TMEM255B: variants seen among roughly 807,000 people sequenced by gnomAD.
TMEM255B encodes transmembrane protein 255B.
TMEM255B carries 35 observed loss-of-function variants against 34.5 expected under a neutral mutation model. The ratio of observed to expected loss-of-function variants is 1.01; its 90% CI spans 0.77 to 1.34. The LOEUF is 1.34. Among genes scored for constraint, TMEM255B ranks in the 40% most tolerant of loss-of-function variants. The pLI is 0.00. For missense variants in TMEM255B, 432 were observed against 433.2 expected, an observed-to-expected ratio of 1.00 and a Z score of 0.02; for synonymous variants, 206 against 201.2, an observed-to-expected ratio of 1.02 and a Z score of -0.20.
rs1188081603 is a variant in TMEM255B, at chr13:113,759,243, C to A, written c.-27C>A. 1 of 1,227,338 alleles carries A rather than the reference C, an allele frequency of 8.1e-7. No homozygotes were observed. The highest frequency in any genetic ancestry group is 3.2e-5 in the East Asian group (1 of 31,386). The allele number at this position is 1,227,338 out of a possible 1,614,324, so 76.0% of individuals were successfully genotyped here. ...CTGGCGGCGGGACTGTGGCTGTGGC[C>A]CCGGGAGAGCCGGGTGGGGCCTCGG... On this transcript the variant is annotated 5_prime_UTR_variant, in exon 1 of 9. Transcript: ENST00000375353.
rs1466196335 is a variant in TMEM255B at position 113,814,858 on chromosome 13, C to T, written c.*2955C>T. On this transcript the variant is annotated 3_prime_UTR_variant, in exon 9 of 9. Coordinates refer to ENST00000375353, the MANE Select transcript of TMEM255B (RefSeq NM_182614.4). Reference sequence around the variant, plus strand: ...AGATGGGGTGGAGGGGATGGTGGGGCAGGGGGTGCTGGGGGGTTTGGGGGT... The same window carrying T: ...AGATGGGGTGGAGGGGATGGTGGGGTAGGGGGTGCTGGGGGGTTTGGGGGT... 1 of 42,486 alleles carries T rather than the reference C, an allele frequency of 2.4e-5. No individual in the cohort carries two copies. The highest frequency in any genetic ancestry group is 9.4e-5 in the African/African-American group (1 of 10,662). 2.6% of individuals were successfully genotyped at this position (42,486 alleles called of 1,614,324 possible).
intron 4 of TMEM255B, among the ~76,000 whole-genome samples, chr13:113,796,843 C>A (rs1253202935): frequency 6.6e-6 from 1 of 152,260 alleles, no homozygotes; most frequent in Non-Finnish European, 1.5e-5. Context: ...GGTGTTAGGC[C>A]TTTGTCTGCC....
intron 3 of TMEM255B, among the ~76,000 whole-genome samples, chr13:113,777,529 G>A (rs1469270577): frequency 6.6e-6 from 1 of 152,184 alleles, no homozygotes; most frequent in African/African-American, 2.4e-5. Flanking sequence ...TGTGTCTCTG[G>A]GGGCAGCTCC....
chr13:113,802,777 A>G (rs1408272143), intron 7 of TMEM255B, among the ~76,000 whole-genome samples: 1 of 148,340 alleles, frequency 6.7e-6, no homozygotes, highest in Admixed American at 6.7e-5. Flanking sequence ...TGGCATCCCG[A>G]GGTCCAGCCC....
intron 3 of TMEM255B, among the ~76,000 whole-genome samples, chr13:113,787,463 C>T (rs943848163): frequency 2.6e-5 from 4 of 152,046 alleles, no homozygotes; most frequent in Non-Finnish European, 4.4e-5. Flanking sequence ...TCACAGAAAC[C>T]GATGATAGGT....
intron 3 of TMEM255B, among the ~76,000 whole-genome samples, chr13:113,791,945 C>A (rs774952788): frequency 1.2e-4 from 19 of 152,204 alleles, no homozygotes; most frequent in Non-Finnish European, 1.5e-5. Context: ...AGGCACGCAG[C>A]CCCCTGATCC....
chr13:113,799,748 A>G (rs2051007608), intron 5 of TMEM255B: 1 of 699,386 alleles, frequency 1.4e-6, no homozygotes, highest in Admixed American at 2.0e-5. Flanking sequence ...ATACATTTAC[A>G]GTGTCCGAGA....
intron 8 of TMEM255B, among the ~76,000 whole-genome samples, chr13:113,808,977 GA>G (rs1438931113): frequency 4.8e-5 from 7 of 146,506 alleles, no homozygotes; most frequent in African/African-American, 7.6e-5. Flanking sequence ...GGTTCCTGGG[GA>G]GATTACTCTG....
At position 113,769,231 on chromosome 13, in the gene TMEM255B, C is replaced by T; in HGVS notation, c.252+71C>T. On this transcript the variant is annotated intron_variant, in intron 3 of 8. Coordinates refer to ENST00000375353, the MANE Select transcript of TMEM255B (RefSeq NM_182614.4). This position sits in a 1 kb window ranked among gnomAD's most constrained non-coding sequence, Gnocchi z 4.2. ...GGGATGGTACAGCTGCACTGGGGCT[C>T]TGAGAAGAGTCAGCCCTGCCTCCCC... 6.4e-7 allele frequency: 1 copy of T among 1,559,094 alleles called. No homozygotes were observed. The highest frequency in any genetic ancestry group is 8.8e-7 in the Non-Finnish European group (1 of 1,130,814).
intron 3 of TMEM255B, among the ~76,000 whole-genome samples, chr13:113,778,458 CG>C (rs541078762): frequency 9.5e-4 from 136 of 142,414 alleles, no homozygotes; most frequent in African/African-American, 3.6e-3. Context: ...CATCTTCTCC[CG>C]GGTGAGTCCC....
intron 4 of TMEM255B, 77 bp from the exon 5 acceptor site, chr13:113,799,262 C>T: frequency 1.4e-6 from 2 of 1,419,404 alleles, no homozygotes; most frequent in Non-Finnish European, 2.0e-6. Context: ...CTGAGACCCA[C>T]AGGCCTGAAA....
At chr13:113,772,258 A>C (rs1390907170) in intron 3 of TMEM255B, among the ~76,000 whole-genome samples, 1 of 152,110 alleles carries the variant, frequency 6.6e-6, no homozygotes, top group African/African-American at 2.4e-5. Flanking sequence ...CAGATATGTG[A>C]TTTGCAAATA....
intron 7 of TMEM255B, among the ~76,000 whole-genome samples, chr13:113,804,358 G>A (rs74118480): frequency 1.8e-4 from 27 of 152,332 alleles, no homozygotes; most frequent in East Asian, 7.7e-4. Flanking sequence ...CCATCAGCCC[G>A]GTGCTGAGAG....
At chr13:113,774,533 AAC>A (rs1451949155) in intron 3 of TMEM255B, among the ~76,000 whole-genome samples, 9 of 151,136 alleles carry the variant, frequency 6.0e-5, no homozygotes, top group Non-Finnish European at 7.4e-5. Flanking sequence ...CACAGTACAA[AAC>A]ACATGCATGC....
At position 113,763,779 on chromosome 13, in the gene TMEM255B, CT is replaced by C. The variant is rs2050345042; in HGVS notation, c.47-2332del. Among the ~76,000 whole-genome samples, 4 of 152,358 alleles carry C rather than the reference CT, an allele frequency of 2.6e-5. No individual in the cohort carries two copies. The South Asian group carries it at 8.3e-4, about 32-fold the overall frequency. On this transcript the variant is annotated intron_variant, in intron 1 of 8. Coordinates refer to ENST00000375353, the MANE Select transcript of TMEM255B (RefSeq NM_182614.4). ...TTTCCAACATATACCCACTGTCTCCCTTTTCCTTGTAAGAATGTCGTTATCA... is the reference window on the plus strand; with the variant it reads ...TTTCCAACATATACCCACTGTCTCCCTTTCCTTGTAAGAATGTCGTTATCA...
In TMEM255B at chr13:113,799,343, C is replaced by A; in HGVS notation, c.347C>A (p.Pro116Gln). ...TGTGTTTATCTGTTTCTCTAGGAAC[C>A]GAGGCCCCTCACCACGGGAAGATGC... ...DGVFAAQHIE[P>Q]RPLTTGRCQF... Residue 116 changes from proline (P) to glutamine (Q), a missense_variant, in exon 5 of 9, where the codon CCG becomes CAG. By Grantham distance (76) the Pro-to-Gln change is moderately conservative. Transcript: ENST00000375353. 6.2e-7 allele frequency: 1 copy of A among 1,613,930 alleles called. No individual in the cohort carries two copies. Among genetic ancestry groups the A allele is most frequent in the South Asian group, 1.1e-5 (1 of 91,052 alleles).
At position 113,774,584 on chromosome 13, in the gene TMEM255B, C is replaced by A. The variant is rs1229586839; in HGVS notation, c.252+5424C>A. On this transcript the variant is annotated intron_variant, in intron 3 of 8. Coordinates refer to ENST00000375353, the MANE Select transcript of TMEM255B (RefSeq NM_182614.4). Reference sequence around the variant, plus strand: ...CACACAACACACATGACACACACACCACACAACACACAAATGACACACACC... The same window carrying A: ...CACACAACACACATGACACACACACAACACAACACACAAATGACACACACC... 2.4e-5 allele frequency among the ~76,000 whole-genome samples: 3 copies of A among 127,246 alleles called. No individual in the cohort carries two copies. In the East Asian group the frequency reaches 6.1e-4, roughly 26 times the overall value. 83.5% of individuals were successfully genotyped at this position (127,246 alleles called of 152,430 possible). A position where few individuals can be genotyped will look rare whatever the true frequency, so the allele number is the denominator to read the frequency against.
intron 1 of TMEM255B, chr13:113,761,358 G>T: frequency 1.0e-6 from 1 of 985,360 alleles, no homozygotes; most frequent in South Asian, 4.7e-5. Flanking sequence ...GTAGGACCTG[G>T]CGTGGGCACA....
At chr13:113,776,970 G>C (rs750600815) in intron 3 of TMEM255B, among the ~76,000 whole-genome samples, 20 of 152,112 alleles carry the variant, frequency 1.3e-4, no homozygotes, top group Non-Finnish European at 2.6e-4. Flanking sequence ...ACAGGTGCTT[G>C]GGCTGTCTGC....
Sources: allele counts gnomAD v4.1 joint callset (sites outside exome capture counted in the v4.1 genomes callset), GRCh38; gene constraint gnomAD v4.1.1; non-coding constraint Gnocchi (gnomAD v3.1); transcripts MANE v1.5; gene names NCBI Gene and HGNC (gene_info 2026-07-23, HGNC 2026-07-21).